The following SIPA1L3 variants were observed in gnomAD, a reference collection of about 807,000 sequenced individuals.
SIPA1L3 encodes the protein signal-induced proliferation-associated 1-like protein 3.
Under a neutral mutation model 150.1 loss-of-function variants are expected in SIPA1L3, and 59 were observed. That is an observed-to-expected ratio of 0.39 (90% CI 0.32 to 0.49). The LOEUF is 0.49. Among genes scored for constraint, SIPA1L3 ranks in the 20% least tolerant of loss-of-function variants. SIPA1L3 has a pLI of 0.86. For missense variants in SIPA1L3, 2,211 were observed against 2,489.5 expected (o/e 0.89, Z 2.38); for synonymous variants, 1,070 against 1,077.6 (o/e 0.99, Z 0.14).
rs531126109 is a variant in SIPA1L3, at chr19:37,939,331, G to A, written c.-379+31973G>A. 2.4e-3 allele frequency among the ~76,000 whole-genome samples: 358 copies of A among 151,096 alleles called. 5 individuals are homozygous for A. Among genetic ancestry groups the A allele is most frequent in the Middle Eastern group, 0.017 (5 of 294 alleles). Reference sequence around the variant, plus strand: ...TAGGAGAATTGCTTGAATCCAGGAGGCGGAGGCTGCAGTGAGCCGAGATTG... The same window carrying A: ...TAGGAGAATTGCTTGAATCCAGGAGACGGAGGCTGCAGTGAGCCGAGATTG... On this transcript the variant is annotated intron_variant, in intron 1 of 21. Transcript: ENST00000222345.
At chr19:38,112,268 G>GCACATATGCACA in intron 8 of SIPA1L3, among the ~76,000 whole-genome samples, 1 of 150,704 alleles carries the variant, frequency 6.6e-6, no homozygotes, top group Admixed American at 6.6e-5. Context: ...ACAAGCACAT[G>GCACATATGCACA]CACATATGCA....
chr19:38,004,572 C>T (rs1265545812), intron 1 of SIPA1L3, among the ~76,000 whole-genome samples: 1 of 152,188 alleles, frequency 6.6e-6, no homozygotes, highest in Non-Finnish European at 1.5e-5. Flanking sequence ...TGCCAGGACC[C>T]GCTCAGGCTT....
intron 1 of SIPA1L3, among the ~76,000 whole-genome samples, chr19:37,915,422 C>T (rs2046407431): frequency 6.6e-6 from 1 of 151,900 alleles, no homozygotes; most frequent in Non-Finnish European, 1.5e-5. Flanking sequence ...CGCTCTGTTG[C>T]CCACGCTGGA....
chr19:38,129,854 G>T (rs547078175), intron 9 of SIPA1L3, among the ~76,000 whole-genome samples: 5 of 152,182 alleles, frequency 3.3e-5, no homozygotes, highest in Non-Finnish European at 1.5e-5. Flanking sequence ...ATCATCTGAG[G>T]TCAGGAGTTC....
chr19:38,147,619 T>C (rs1384625397), intron 12 of SIPA1L3, among the ~76,000 whole-genome samples: 1 of 152,156 alleles, frequency 6.6e-6, no homozygotes, highest in African/African-American at 2.4e-5. Context: ...TTTACTCCAG[T>C]GCTATTTATT....
intron 2 of SIPA1L3, among the ~76,000 whole-genome samples, chr19:38,062,604 A>G (rs935742605): frequency 7.1e-6 from 1 of 139,874 alleles, no homozygotes; most frequent in Admixed American, 7.0e-5. Flanking sequence ...TTTTGCTCTC[A>G]TTTTATTATT....
chr19:38,190,241 C>T (rs2569414), intron 16 of SIPA1L3, among the ~76,000 whole-genome samples: 55,371 of 152,060 alleles, frequency 0.36, 11,796 homozygotes, highest in Middle Eastern at 0.57. Context: ...TCCTCACTGC[C>T]GGGAGATGGG....
rs747791015 is a variant in SIPA1L3 at position 38,082,116 on chromosome 19, C to G, written c.551C>G (p.Ala184Gly). 1.9e-6 allele frequency: 3 copies of G among 1,607,496 alleles called. No individual in the cohort carries two copies. The highest frequency in any genetic ancestry group is 2.5e-6 in the Non-Finnish European group (3 of 1,179,100). Residue 184 changes from alanine to glycine, a missense_variant, in exon 3 of 22, where the codon GCG becomes GGG. Physicochemically the swap from Ala to Gly is moderately conservative, Grantham distance 60. Transcript: ENST00000222345. ...CTCAGCGAGTGTGACGCGGAGGACG[C>G]GGGGGAGCCGCGGGGGGCCCGGCAC... Reference protein sequence around the residue: ...ITLSECDAEDAGEPRGARHTG... With the variant: ...ITLSECDAEDGGEPRGARHTG...
chr19:38,017,198 C>T (rs1000921366), intron 1 of SIPA1L3, among the ~76,000 whole-genome samples: 4 of 152,086 alleles, frequency 2.6e-5, no homozygotes, highest in African/African-American at 9.7e-5. Flanking sequence ...TGCCCAACTT[C>T]GTGTCTTTAT....
intron 1 of SIPA1L3, among the ~76,000 whole-genome samples, chr19:37,941,071 T>TACACACACACACACACACACACAC (rs869026715): frequency 7.5e-6 from 1 of 133,086 alleles, no homozygotes; most frequent in African/African-American, 2.7e-5. Context: ...GTTTGAGATG[T>TACACACACACACACACACACACAC]ACACACACAC....
intron 20 of SIPA1L3, among the ~76,000 whole-genome samples, chr19:38,202,600 AAAAG>A (rs1156703932): frequency 5.9e-5 from 9 of 152,060 alleles, no homozygotes; most frequent in Non-Finnish European, 1.0e-4. Flanking sequence ...AAAAAAGAAA[AAAAG>A]AAAGGAAAGC....
chr19:38,083,294 A>G (rs1970050159), intron 3 of SIPA1L3, among the ~76,000 whole-genome samples, 195 bp downstream of exon 3: 1 of 152,210 alleles, frequency 6.6e-6, no homozygotes, highest in African/African-American at 2.4e-5. Context: ...TGTCTGACAC[A>G]GCAGCACTCC....
intron 8 of SIPA1L3, among the ~76,000 whole-genome samples, chr19:38,111,633 C>T (rs1172000300): frequency 2.0e-5 from 3 of 152,206 alleles, no homozygotes; most frequent in East Asian, 3.8e-4. Context: ...GGAGGGGCAT[C>T]CCAGCCTGCA....
At chr19:38,018,622 A>G (rs911512274) in intron 1 of SIPA1L3, among the ~76,000 whole-genome samples, 1 of 152,064 alleles carries the variant, frequency 6.6e-6, no homozygotes. Flanking sequence ...TGAATATTCC[A>G]TTGTATGGAG....
intron 2 of SIPA1L3, among the ~76,000 whole-genome samples, chr19:38,050,051 A>G (rs1969154261): frequency 6.6e-6 from 1 of 152,182 alleles, no homozygotes; most frequent in Non-Finnish European, 1.5e-5. Context: ...CCAGCAAGTT[A>G]GTTCACCTCT....
intron 2 of SIPA1L3, among the ~76,000 whole-genome samples, chr19:38,041,248 A>G (rs570539616): frequency 6.9e-6 from 1 of 144,784 alleles, no homozygotes; most frequent in East Asian, 2.0e-4. Flanking sequence ...CTGGGATTAC[A>G]GGCACCCGCC....
intron 4 of SIPA1L3, among the ~76,000 whole-genome samples, chr19:38,092,590 G>A (rs750200044): frequency 4.6e-5 from 7 of 152,068 alleles, no homozygotes; most frequent in Non-Finnish European, 7.4e-5. Context: ...ATGACAGCAC[G>A]GGGACTCTTT....
chr19:38,039,566 C>T (rs1030885598), intron 2 of SIPA1L3, among the ~76,000 whole-genome samples: 35 of 151,852 alleles, frequency 2.3e-4, no homozygotes, highest in South Asian at 4.2e-4. Flanking sequence ...TGGTGGCACG[C>T]GCATGTAATC....
At chr19:38,093,180 G>A (rs531085220) in intron 4 of SIPA1L3, among the ~76,000 whole-genome samples, 2 of 152,186 alleles carry the variant, frequency 1.3e-5, no homozygotes, top group Non-Finnish European at 2.9e-5. Context: ...ATTTTTAACA[G>A]GAAGGTCAAG....
Sources: allele counts gnomAD v4.1 joint callset (sites outside exome capture counted in the v4.1 genomes callset), GRCh38; gene constraint gnomAD v4.1.1; transcripts MANE v1.5; gene names NCBI Gene and HGNC (gene_info 2026-07-23, HGNC 2026-07-21).